Variants in NDUFA9 observed in about 807,000 individuals in gnomAD.
The protein encoded by NDUFA9 is NADH dehydrogenase [ubiquinone] 1 alpha subcomplex subunit 9, mitochondrial.
In NDUFA9, 23 loss-of-function variants were observed where a neutral mutation model predicts 45.9. That is an observed-to-expected ratio of 0.50 (90% CI 0.36 to 0.71). The LOEUF (loss-of-function observed/expected upper bound fraction) is 0.71, where lower values mean the gene tolerates loss of function less well. Ranked by LOEUF, NDUFA9 falls within the 30% of genes least tolerant of loss-of-function variation. NDUFA9 has a pLI of 0.00. For synonymous variants in NDUFA9, 176 were observed against 170.5 expected (o/e 1.03, Z -0.25); for missense variants, 466 against 488.2 (o/e 0.95, Z 0.43).
intron 8 of NDUFA9, among the ~76,000 whole-genome samples, chr12:4,676,607 C>T (rs1338079316): frequency 6.6e-6 from 1 of 152,134 alleles, no homozygotes; most frequent in Non-Finnish European, 1.5e-5. Flanking sequence ...AGGACCTATT[C>T]AAGGAGAACT....
rs1267930129 is a variant in NDUFA9 at position 4,689,782 on chromosome 12, T to C, written c.*2674T>C. ...TTTCTATTCCGCAAAACCACCATCGTCATCATGGCCCGTTCTCAATGAGCT... is the reference window on the plus strand; with the variant it reads ...TTTCTATTCCGCAAAACCACCATCGCCATCATGGCCCGTTCTCAATGAGCT... On this transcript the variant is annotated 3_prime_UTR_variant, in exon 11 of 11. Coordinates refer to ENST00000266544, the MANE Select transcript of NDUFA9 (RefSeq NM_005002.5). 7 of 178,922 alleles carry C rather than the reference T, an allele frequency of 3.9e-5. No individual in the cohort carries two copies. Among genetic ancestry groups the C allele is most frequent in the Non-Finnish European group, 1.1e-5 (1 of 87,888 alleles). The allele number at this position is 178,922 out of a possible 1,614,324, so 11.1% of individuals were successfully genotyped here.
chr12:4,673,328 A>G (rs1945899001), intron 8 of NDUFA9, among the ~76,000 whole-genome samples: 1 of 152,148 alleles, frequency 6.6e-6, no homozygotes, highest in Non-Finnish European at 1.5e-5. Flanking sequence ...AAGGATTACA[A>G]CTCCTTGCCA....
At chr12:4,661,952 C>G (rs142824917) in intron 5 of NDUFA9, among the ~76,000 whole-genome samples, 1 of 152,230 alleles carries the variant, frequency 6.6e-6, no homozygotes, top group East Asian at 1.9e-4. Context: ...TCCAAGCCCA[C>G]TTGGACATCA....
intron 8 of NDUFA9, among the ~76,000 whole-genome samples, chr12:4,673,592 A>G (rs917635772): frequency 2.8e-5 from 4 of 144,822 alleles, no homozygotes; most frequent in African/African-American, 5.1e-5. Flanking sequence ...TTGAAGATTA[A>G]CTCAACGAAA....
intron 9 of NDUFA9, chr12:4,685,057 A>G (rs1945976608): frequency 1.4e-6 from 1 of 690,398 alleles, no homozygotes; most frequent in East Asian, 2.7e-5. Context: ...CAGCAGTTAC[A>G]GCAGCCGACT....
Position 4,687,157 on chromosome 12 carries a change from T to A in NDUFA9, c.*49T>A. The A allele has an allele frequency of 6.3e-7, 1 of 1,583,906 alleles. No individual in the cohort carries two copies. Among genetic ancestry groups the A allele is most frequent in the Non-Finnish European group, 8.6e-7 (1 of 1,159,910 alleles). ...TTGGCGTCTTTTGGGTCGGCCCATG[T>A]GGTTTGAGCACCCAGCCAGGCGGTC... On this transcript the variant is annotated 3_prime_UTR_variant, in exon 11 of 11. Transcript: ENST00000266544.
At chr12:4,683,325 G>T (rs1945965393) in intron 9 of NDUFA9, among the ~76,000 whole-genome samples, 1 of 152,146 alleles carries the variant, frequency 6.6e-6, no homozygotes, top group South Asian at 2.1e-4. Context: ...CACCCTAGTG[G>T]TCTGGTTAAG....
intron 8 of NDUFA9, among the ~76,000 whole-genome samples, chr12:4,677,563 A>G (rs1945927577): frequency 6.6e-6 from 1 of 152,244 alleles, no homozygotes; most frequent in Non-Finnish European, 1.5e-5. Context: ...GTCACTGGTC[A>G]TTAGAGAAGT....
intron 5 of NDUFA9, among the ~76,000 whole-genome samples, chr12:4,662,177 A>G (rs1453349153): frequency 6.6e-6 from 1 of 152,172 alleles, no homozygotes; most frequent in East Asian, 1.9e-4. Flanking sequence ...CTGCCACCAT[A>G]CTGTCCTTTT....
chr12:4,660,931 G>T (rs1945819836), intron 5 of NDUFA9, among the ~76,000 whole-genome samples: 1 of 152,128 alleles, frequency 6.6e-6, no homozygotes, highest in Non-Finnish European at 1.5e-5. Context: ...ACATTTTCAG[G>T]TAGCTTGACT....
intron 8 of NDUFA9, among the ~76,000 whole-genome samples, chr12:4,678,530 G>A (rs1160235470): frequency 1.3e-5 from 2 of 151,946 alleles, no homozygotes; most frequent in African/African-American, 4.8e-5. Flanking sequence ...CAGATTGGGG[G>A]AAAATATTTG....
chr12:4,675,924 A>G (rs1375836707), intron 8 of NDUFA9, among the ~76,000 whole-genome samples: 1 of 152,230 alleles, frequency 6.6e-6, no homozygotes, highest in African/African-American at 2.4e-5. Flanking sequence ...ATCCAGCAGC[A>G]CATCAAAAAA....
chr12:4,679,529 A>G (rs1204838464), intron 8 of NDUFA9, among the ~76,000 whole-genome samples: 1 of 152,202 alleles, frequency 6.6e-6, no homozygotes, highest in Non-Finnish European at 1.5e-5. Flanking sequence ...AAGTCCAGTT[A>G]ATTGGAAAGA....
chr12:4,680,167 G>A (rs939377146), intron 8 of NDUFA9, among the ~76,000 whole-genome samples: 1 of 152,114 alleles, frequency 6.6e-6, no homozygotes, highest in Admixed American at 6.6e-5. Context: ...TGCCCTGGGA[G>A]AACAGGAAAG....
chr12:4,652,745 C>T (rs181995874), intron 1 of NDUFA9, among the ~76,000 whole-genome samples: 4 of 152,340 alleles, frequency 2.6e-5, no homozygotes, highest in Admixed American at 6.5e-5. Flanking sequence ...AATACCTATG[C>T]AGCACTTAGA....
intron 6 of NDUFA9, among the ~76,000 whole-genome samples, chr12:4,665,774 C>T (rs1443051258): frequency 1.3e-4 from 19 of 148,292 alleles, no homozygotes; most frequent in Non-Finnish European, 2.7e-4. Flanking sequence ...AATAGCCATC[C>T]TAATAGTTCT....
At chr12:4,668,782 T>TA (rs1396739515) in intron 7 of NDUFA9, 1 of 442,222 alleles carries the variant, frequency 2.3e-6, no homozygotes, top group African/African-American at 2.0e-5. Flanking sequence ...ATAAAGATAT[T>TA]AACTAGATAG....
chr12:4,671,942 A>G (rs1945889552), intron 8 of NDUFA9, among the ~76,000 whole-genome samples: 1 of 152,196 alleles, frequency 6.6e-6, no homozygotes, highest in African/African-American at 2.4e-5. Flanking sequence ...TAAAACAAGG[A>G]TTGGTGGCAA....
chr12:4,658,289 T>G (rs1945803114), intron 4 of NDUFA9, among the ~76,000 whole-genome samples: 1 of 152,246 alleles, frequency 6.6e-6, no homozygotes, highest in Non-Finnish European at 1.5e-5. Context: ...AAATAATGTT[T>G]CAATCCTATA....
Sources: gnomAD v4.1 joint callset for allele counts (sites outside exome capture counted in the v4.1 genomes callset) on GRCh38, gnomAD v4.1.1 for gene constraint, MANE v1.5 for transcripts, NCBI Gene and HGNC (gene_info 2026-07-23, HGNC 2026-07-21) for gene names.